ARHGAP42: variants seen among roughly 807,000 people sequenced by gnomAD.
The protein encoded by ARHGAP42 is rho GTPase-activating protein 42.
A neutral mutation model predicts 125.0 loss-of-function variants in ARHGAP42; 63 were observed. The observed-to-expected ratio is 0.50, with a 90% CI of 0.41 to 0.62. The LOEUF (loss-of-function observed/expected upper bound fraction) is 0.62. Among genes scored for constraint, ARHGAP42 ranks in the 20% least tolerant of loss-of-function variants. The pLI is 0.00. For missense variants in ARHGAP42, 766 were observed against 1,024.2 expected, an observed-to-expected ratio of 0.75 and a Z score of 3.44; for synonymous variants, 339 against 351.0, an observed-to-expected ratio of 0.97 and a Z score of 0.38.
chr11:100,878,938 A>G (rs1865888898), intron 4 of ARHGAP42, among the ~76,000 whole-genome samples: 1 of 151,126 alleles, frequency 6.6e-6, no homozygotes, highest in South Asian at 2.1e-4. Context: ...CATCAGAAAA[A>G]CTCTTCTAGA....
intron 1 of ARHGAP42, among the ~76,000 whole-genome samples, chr11:100,736,350 G>T (rs1263797180): frequency 2.6e-5 from 4 of 152,202 alleles, no homozygotes; most frequent in African/African-American, 9.6e-5. Flanking sequence ...ATCACTTGAG[G>T]ATGGCTCTGG....
chr11:100,733,010 T>G (rs1475156641), intron 1 of ARHGAP42, among the ~76,000 whole-genome samples: 1 of 152,224 alleles, frequency 6.6e-6, no homozygotes, highest in East Asian at 1.9e-4. Context: ...TCATAATTAA[T>G]ATTTCAAAGT....
At chr11:100,802,388 C>T (rs1006900787) in intron 3 of ARHGAP42, among the ~76,000 whole-genome samples, 2 of 151,462 alleles carry the variant, frequency 1.3e-5, no homozygotes, top group African/African-American at 4.9e-5. Context: ...CCCTTAAATC[C>T]CTGGAACTTC....
intron 4 of ARHGAP42, among the ~76,000 whole-genome samples, chr11:100,863,748 T>G (rs1404583183): frequency 1.3e-5 from 2 of 152,194 alleles, no homozygotes; most frequent in Non-Finnish European, 2.9e-5. Context: ...GATGGTATAT[T>G]CAGAATGAAA....
chr11:100,940,604 A>G (rs1025981486), intron 8 of ARHGAP42, among the ~76,000 whole-genome samples: 1 of 152,218 alleles, frequency 6.6e-6, no homozygotes, highest in Non-Finnish European at 1.5e-5. Flanking sequence ...GGGGGAAAAG[A>G]AAGTGAACAT....
rs958108982 is a variant in ARHGAP42, at chr11:100,992,151, A to G, written c.*3350A>G. 2 of 774,886 alleles carry G rather than the reference A, an allele frequency of 2.6e-6. No individual in the cohort carries two copies. The highest frequency in any genetic ancestry group is 3.5e-5 in the African/African-American group (2 of 56,982). 48.0% of individuals were successfully genotyped at this position (774,886 alleles called of 1,614,324 possible). On this transcript the variant is annotated 3_prime_UTR_variant, in exon 24 of 24. Coordinates refer to ENST00000298815, the MANE Select transcript of ARHGAP42 (RefSeq NM_152432.4). Reference sequence around the variant, plus strand: ...AGAGCTTTGCCTCAAGCAATTTCAAATTGTAGTGATACCTTAAATCATGTA... The same window carrying G: ...AGAGCTTTGCCTCAAGCAATTTCAAGTTGTAGTGATACCTTAAATCATGTA...
intron 1 of ARHGAP42, among the ~76,000 whole-genome samples, chr11:100,741,107 T>C (rs541716786): frequency 6.6e-6 from 1 of 152,322 alleles, no homozygotes; most frequent in South Asian, 2.1e-4. Context: ...CTCAGCTCAC[T>C]TCAGCCTCCA....
At chr11:100,911,422 G>C (rs1051173709) in intron 4 of ARHGAP42, among the ~76,000 whole-genome samples, 1 of 152,028 alleles carries the variant, frequency 6.6e-6, no homozygotes, top group African/African-American at 2.4e-5. Context: ...AAAGGAGAGA[G>C]TTGAAAGAAG....
chr11:100,914,682 C>A (rs976189556), intron 5 of ARHGAP42, among the ~76,000 whole-genome samples: 1 of 152,128 alleles, frequency 6.6e-6, no homozygotes, highest in African/African-American at 2.4e-5. Context: ...CCTTTAGTCT[C>A]CTCCTCCTCT....
intron 22 of ARHGAP42, among the ~76,000 whole-genome samples, chr11:100,984,247 C>G (rs1050833003): frequency 1.3e-5 from 2 of 151,874 alleles, no homozygotes; most frequent in African/African-American, 2.4e-5. Context: ...AACTTTTTGT[C>G]TTACGCATTA....
chr11:100,868,467 A>G lies in ARHGAP42; in HGVS notation c.384+8842A>G, dbSNP rs116459731. Among the ~76,000 whole-genome samples the G allele has an allele frequency of 3.5e-3, 530 of 152,312 alleles. 5 individuals carry two copies. The highest frequency in any genetic ancestry group is 0.012 in the African/African-American group (499 of 41,568). ...ATCCTCACAACCAGCCTATTAAATA[A>G]CCGTTAAACTCATTTTATAGGTAAA... On this transcript the variant is annotated intron_variant, in intron 4 of 23. Coordinates refer to ENST00000298815, the MANE Select transcript of ARHGAP42 (RefSeq NM_152432.4).
At chr11:100,963,272 G>A (rs17726667) in intron 16 of ARHGAP42, among the ~76,000 whole-genome samples, 14,101 of 152,144 alleles carry the variant, frequency 0.093, 945 homozygotes, top group Non-Finnish European at 0.13. Context: ...TGTGATTGCC[G>A]TCATATGATA....
At chr11:100,717,022 A>G (rs1240810504) in intron 1 of ARHGAP42, among the ~76,000 whole-genome samples, 1 of 152,188 alleles carries the variant, frequency 6.6e-6, no homozygotes, top group Non-Finnish European at 1.5e-5. Flanking sequence ...GTTGAATAAC[A>G]CACATCACTA....
chr11:100,895,824 G>C (rs745437039), intron 4 of ARHGAP42, among the ~76,000 whole-genome samples: 3 of 151,768 alleles, frequency 2.0e-5, no homozygotes, highest in Non-Finnish European at 2.9e-5. Context: ...CTGTCAAATG[G>C]GTGTTCTTTT....
At chr11:100,766,195 C>A (rs932740882) in intron 1 of ARHGAP42, among the ~76,000 whole-genome samples, 1 of 149,864 alleles carries the variant, frequency 6.7e-6, no homozygotes, top group Non-Finnish European at 1.5e-5. Flanking sequence ...GCTTAACTTT[C>A]AAGTTAGGCA....
chr11:100,938,691 C>T (rs566001025), intron 8 of ARHGAP42, among the ~76,000 whole-genome samples: 3 of 152,236 alleles, frequency 2.0e-5, no homozygotes, highest in South Asian at 2.1e-4. Context: ...ATCATCTTCT[C>T]CTATTCCCTT....
intron 10 of ARHGAP42, among the ~76,000 whole-genome samples, chr11:100,947,412 C>T (rs930112269): frequency 2.0e-5 from 3 of 151,794 alleles, no homozygotes; most frequent in South Asian, 2.1e-4. Flanking sequence ...TAACACATTC[C>T]GGTTATATAA....
chr11:100,865,393 C>G (rs910196521), intron 4 of ARHGAP42, among the ~76,000 whole-genome samples: 1 of 152,076 alleles, frequency 6.6e-6, no homozygotes, highest in African/African-American at 2.4e-5. Flanking sequence ...ATTACAAATG[C>G]CTCAGTCAAC....
At chr11:100,714,951 G>C (rs1224442305) in intron 1 of ARHGAP42, among the ~76,000 whole-genome samples, 1 of 151,442 alleles carries the variant, frequency 6.6e-6, no homozygotes, top group Non-Finnish European at 1.5e-5. Context: ...AGGAGCCTGA[G>C]GTGGGAGGAT....
Sources: gnomAD v4.1 joint callset for allele counts (sites outside exome capture counted in the v4.1 genomes callset) on GRCh38, gnomAD v4.1.1 for gene constraint, MANE v1.5 for transcripts, NCBI Gene and HGNC (gene_info 2026-07-23, HGNC 2026-07-21) for gene names.